CDH12: variants seen among roughly 807,000 people sequenced by gnomAD.
CDH12 encodes cadherin-12.
Under a neutral mutation model 74.1 loss-of-function variants are expected in CDH12, and 41 were observed. The ratio of observed to expected loss-of-function variants is 0.55; its 90% CI spans 0.43 to 0.72. CDH12 has a LOEUF of 0.72. Ranked by LOEUF, CDH12 falls within the 30% of genes least tolerant of loss-of-function variation. The probability of loss-of-function intolerance (pLI) is 0.00; values close to 1 mark genes in which losing one functional copy is unlikely to be tolerated. For missense variants in CDH12, 945 were observed against 977.2 expected, an observed-to-expected ratio of 0.97 and a Z score of 0.44; for synonymous variants, 399 against 355.0, an observed-to-expected ratio of 1.12 and a Z score of -1.39.
intron 1 of CDH12, among the ~76,000 whole-genome samples, chr5:22,528,021 T>C (rs187707388): frequency 1.4e-4 from 22 of 152,258 alleles, no homozygotes; most frequent in Middle Eastern, 3.4e-3. Context: ...CTGTATAAAC[T>C]AGAAAACTCA....
chr5:22,212,581 C>G lies in CDH12; in HGVS notation c.-270G>C, dbSNP rs530860272. 123 of 985,628 alleles carry G rather than the reference C, an allele frequency of 1.2e-4. 1 individual carries two copies. Among genetic ancestry groups the G allele is most frequent in the Middle Eastern group, 5.2e-4 (1 of 1,936 alleles). The allele number at this position is 985,628 out of a possible 1,614,324, so 61.1% of individuals were successfully genotyped here. On this transcript the variant is annotated 5_prime_UTR_variant, in exon 4 of 15. The change abolishes the stop of an existing upstream ORF in the 5' untranslated region. Coordinates refer to ENST00000382254, the MANE Select transcript of CDH12 (RefSeq NM_004061.5). The stretch of plus-strand genomic sequence containing the variant: ...GGGTGGGGAGATCGAAGTTTTCAAT[C>G]AACACCCTCCAAGTAGCTGCATCCT...
chr5:22,613,871 T>A (rs1737546981), intron 1 of CDH12, among the ~76,000 whole-genome samples: 1 of 152,068 alleles, frequency 6.6e-6, no homozygotes, highest in Admixed American at 6.6e-5. Flanking sequence ...AGATTGTAGC[T>A]AAAAAAATGT....
intron 1 of CDH12, among the ~76,000 whole-genome samples, chr5:22,833,312 T>G (rs553826107): frequency 6.6e-6 from 1 of 152,214 alleles, no homozygotes; most frequent in Non-Finnish European, 1.5e-5. Context: ...GTATTGATCA[T>G]ATTCTCTACA....
At chr5:22,168,003 C>T (rs1216514266) in intron 4 of CDH12, among the ~76,000 whole-genome samples, 1 of 152,054 alleles carries the variant, frequency 6.6e-6, no homozygotes, top group Non-Finnish European at 1.5e-5. Context: ...CGTGTAACTG[C>T]CACATATAGC....
chr5:22,672,505 CA>C (rs1226552549), intron 1 of CDH12, among the ~76,000 whole-genome samples: 1 of 151,980 alleles, frequency 6.6e-6, no homozygotes, highest in African/African-American at 2.4e-5. Context: ...AGGATGAATC[CA>C]ACTTGATGTT....
At chr5:22,799,921 TA>T (rs1748423362) in intron 1 of CDH12, among the ~76,000 whole-genome samples, 1 of 152,196 alleles carries the variant, frequency 6.6e-6, no homozygotes. Context: ...TGCCTCATAA[TA>T]AATAAATATT....
intron 9 of CDH12, among the ~76,000 whole-genome samples, chr5:21,811,064 A>G (rs1454250931): frequency 6.6e-6 from 1 of 152,160 alleles, no homozygotes; most frequent in Non-Finnish European, 1.5e-5. Context: ...AATATCATTT[A>G]TCTCATACGT....
chr5:22,291,957 A>G (rs1304714166), intron 3 of CDH12, among the ~76,000 whole-genome samples: 1 of 152,222 alleles, frequency 6.6e-6, no homozygotes, highest in Non-Finnish European at 1.5e-5. Context: ...AAAATAAACT[A>G]CAAAGCTACT....
intron 1 of CDH12, among the ~76,000 whole-genome samples, chr5:22,587,362 A>C (rs1327893731): frequency 6.6e-6 from 1 of 152,154 alleles, no homozygotes; most frequent in Non-Finnish European, 1.5e-5. Context: ...TCCGTTCTTT[A>C]TAATTACCTA....
rs537859428 is a variant in CDH12 at position 22,571,760 on chromosome 5, G to A, written c.-522-66396C>T. ...TGTCTCAGGGAATAGGAAGACCCAG[G>A]GAGAGGGAGAGAGACAAGGAAAAAG... On this transcript the variant is annotated intron_variant, in intron 1 of 14. Transcript: ENST00000382254. 3.3e-5 allele frequency among the ~76,000 whole-genome samples: 5 copies of A among 152,242 alleles called. No individual in the cohort carries two copies. In the South Asian group the frequency reaches 8.3e-4, roughly 25 times the overall value.
Position 21,944,190 on chromosome 5 carries a change from TTAAA to T in CDH12, c.526+30897_526+30900del, listed in dbSNP as rs1392620780. On this transcript the variant is annotated intron_variant, in intron 6 of 14. Transcript: ENST00000382254. ...TTAGAAATAAAAGCAGCACATTATC[TTAAA>T]TATTTTATGTTTTTCTTATTACTAA... Among the ~76,000 whole-genome samples, 4 of 152,326 alleles carry T rather than the reference TTAAA, an allele frequency of 2.6e-5. No individual in the cohort carries two copies. In the East Asian group the frequency reaches 7.7e-4, roughly 29 times the overall value.
At chr5:21,764,676 A>C (rs1405255248) in intron 12 of CDH12, among the ~76,000 whole-genome samples, 1 of 151,466 alleles carries the variant, frequency 6.6e-6, no homozygotes, top group African/African-American at 2.4e-5. Flanking sequence ...AAAGAAAAGA[A>C]AAGGAAAGAA....
At chr5:22,551,998 A>T (rs938192295) in intron 1 of CDH12, among the ~76,000 whole-genome samples, 5 of 152,066 alleles carry the variant, frequency 3.3e-5, no homozygotes, top group African/African-American at 1.2e-4. Flanking sequence ...TTTTGGCAAT[A>T]TCTCTTTAAA....
chr5:22,614,638 A>G (rs1161330910), intron 1 of CDH12, among the ~76,000 whole-genome samples: 1 of 152,118 alleles, frequency 6.6e-6, no homozygotes, highest in Non-Finnish European at 1.5e-5. Flanking sequence ...ACATAGATAT[A>G]GCAAAGGACC....
chr5:21,986,603 T>C (rs1273702700), intron 5 of CDH12, among the ~76,000 whole-genome samples: 1 of 152,094 alleles, frequency 6.6e-6, no homozygotes, highest in Non-Finnish European at 1.5e-5. Context: ...TTCCAGACAA[T>C]AAACCATTCA....
chr5:22,190,187 A>G (rs1750188602), intron 4 of CDH12, among the ~76,000 whole-genome samples: 1 of 152,208 alleles, frequency 6.6e-6, no homozygotes, highest in Admixed American at 6.5e-5. Context: ...AGAGGTAGTG[A>G]GTATTAAAAG....
chr5:22,208,211 T>C (rs1167098064), intron 4 of CDH12, among the ~76,000 whole-genome samples: 31 of 152,124 alleles, frequency 2.0e-4, no homozygotes, highest in Admixed American at 2.0e-3. Context: ...AGTTGTAATA[T>C]TTTCATTTGT....
At chr5:22,113,393 T>G (rs1744923196) in intron 4 of CDH12, among the ~76,000 whole-genome samples, 1 of 152,114 alleles carries the variant, frequency 6.6e-6, no homozygotes, top group African/African-American at 2.4e-5. Context: ...AGGGCAGCCA[T>G]CAGAAGAATC....
At chr5:22,243,765 C>T (rs1227843728) in intron 3 of CDH12, among the ~76,000 whole-genome samples, 2 of 152,096 alleles carry the variant, frequency 1.3e-5, no homozygotes, top group African/African-American at 4.8e-5. Flanking sequence ...TCCTGACACT[C>T]ACAATGTGTA....
Sources: gnomAD v4.1 joint callset for allele counts (sites outside exome capture counted in the v4.1 genomes callset) on GRCh38, gnomAD v4.1.1 for gene constraint, MANE v1.5 for transcripts, NCBI Gene and HGNC (gene_info 2026-07-23, HGNC 2026-07-21) for gene names.